The following XPO5 variants were observed in gnomAD, a reference collection of about 807,000 sequenced individuals.
XPO5 encodes the protein exportin 5, also known as exportin-5.
XPO5 carries 46 observed loss-of-function variants against 160.6 expected under a neutral mutation model. The observed-to-expected ratio is 0.29, with a 90% CI of 0.23 to 0.37. The LOEUF is 0.37. Among genes scored for constraint, XPO5 ranks in the 10% least tolerant of loss-of-function variants. The probability of loss-of-function intolerance (pLI) is 1.00; values close to 1 mark genes in which losing one functional copy is unlikely to be tolerated. For synonymous variants in XPO5, 537 were observed against 519.3 expected (o/e 1.03, Z -0.46); for missense variants, 1,090 against 1,463.9 (o/e 0.74, Z 4.17).
intron 15 of XPO5, among the ~76,000 whole-genome samples, chr6:43,550,470 C>T (rs1405377120): frequency 6.6e-6 from 1 of 152,110 alleles, no homozygotes; most frequent in Non-Finnish European, 1.5e-5. Flanking sequence ...GCTCTTTTTC[C>T]TTCTGTGGGG....
At chr6:43,529,194 G>A (rs1793787865) in intron 23 of XPO5, 2 of 1,448,212 alleles carry the variant, frequency 1.4e-6, no homozygotes, top group Admixed American at 3.7e-5. Flanking sequence ...AAAAAAATAG[G>A]AAGGAGGACA....
chr6:43,544,845 C>T (rs1225162592), intron 20 of XPO5, among the ~76,000 whole-genome samples: 2 of 152,040 alleles, frequency 1.3e-5, no homozygotes, highest in Non-Finnish European at 2.9e-5. Context: ...CTCTTTCCTC[C>T]TTTAGAAATC....
At chr6:43,570,451 A>G (rs1416898992) in intron 5 of XPO5, 51 bp downstream of exon 5, 2 of 1,539,890 alleles carry the variant, frequency 1.3e-6, no homozygotes, top group African/African-American at 2.8e-5. Flanking sequence ...AGATTAATCA[A>G]AAACACTCAT....
At chr6:43,528,468 T>TCC (rs568828536) in intron 24 of XPO5, among the ~76,000 whole-genome samples, 96 of 152,278 alleles carry the variant, frequency 6.3e-4, no homozygotes, top group African/African-American at 2.2e-3. Context: ...CCTGGGTCTC[T>TCC]AGACATACCT....
chr6:43,543,673 A>ATT (rs111929412), intron 20 of XPO5, among the ~76,000 whole-genome samples: 1 of 149,730 alleles, frequency 6.7e-6, no homozygotes, highest in African/African-American at 2.5e-5. Flanking sequence ...AATTTATTTA[A>ATT]TTTTTTTTTT....
At chr6:43,528,686 G>T in intron 24 of XPO5, 142 bp downstream of exon 24, 1 of 756,030 alleles carries the variant, frequency 1.3e-6, no homozygotes, top group Non-Finnish European at 2.2e-6. Context: ...AGCAAGGATA[G>T]TCAGCTGGGG....
In XPO5 at chr6:43,539,139, C is replaced by T. The variant is rs557510416; in HGVS notation, c.2343-5132G>A. On this transcript the variant is annotated intron_variant, in intron 20 of 31. Transcript: ENST00000265351. ...GGGATGAGGCGCACCAGCACAGAGCCACGGCGGCCTGTCACCTTGCAGGGG... is the reference window on the plus strand; with the variant it reads ...GGGATGAGGCGCACCAGCACAGAGCTACGGCGGCCTGTCACCTTGCAGGGG... The T allele has an allele frequency of 4.3e-6, 5 of 1,165,360 alleles. No individual in the cohort carries two copies. In the East Asian group the frequency reaches 7.5e-5, roughly 17 times the overall value. The allele number at this position is 1,165,360 out of a possible 1,614,324, so 72.2% of individuals were successfully genotyped here.
intron 20 of XPO5, among the ~76,000 whole-genome samples, chr6:43,545,014 A>G (rs1794895907): frequency 1.3e-5 from 2 of 152,226 alleles, no homozygotes; most frequent in African/African-American, 2.4e-5. Context: ...CTGGGATTAC[A>G]GGCATGTGCC....
chr6:43,547,757 A>G (rs781531782), intron 18 of XPO5, 50 bp from the exon 19 acceptor site: 1 of 1,551,384 alleles, frequency 6.4e-7, no homozygotes, highest in South Asian at 1.1e-5. Flanking sequence ...TTAAACAAGG[A>G]CAGTTTCTTC....
chr6:43,537,972 G>A (rs115037240), intron 20 of XPO5, among the ~76,000 whole-genome samples: 1,878 of 150,878 alleles, frequency 0.012, 41 homozygotes, highest in African/African-American at 0.044. Flanking sequence ...AGAGGCTGAG[G>A]CAGTCGAGAG....
chr6:43,553,532 C>T (rs770465031), intron 13 of XPO5, 29 bp from the exon 14 acceptor site: 24 of 1,509,778 alleles, frequency 1.6e-5, no homozygotes, highest in Non-Finnish European at 1.8e-5. Flanking sequence ...CACATACACA[C>T]ACACACACAC....
intron 27 of XPO5, chr6:43,526,240 G>T: frequency 2.4e-6 from 1 of 412,546 alleles, no homozygotes; most frequent in African/African-American, 2.0e-5. Flanking sequence ...AAAAGGTATA[G>T]GACAATAGGT....
chr6:43,530,623 C>G, intron 23 of XPO5, 65 bp downstream of exon 23: 2 of 1,562,470 alleles, frequency 1.3e-6, no homozygotes, highest in Non-Finnish European at 1.7e-6. Context: ...GTTGCTGTGA[C>G]CTGTTTTGTT....
intron 23 of XPO5, chr6:43,529,223 C>G: frequency 7.1e-7 from 1 of 1,404,650 alleles, no homozygotes; most frequent in South Asian, 1.1e-5. Context: ...ACAAACTCTC[C>G]TTCACCATTC....
At chr6:43,574,581 A>T (rs1274989375) in intron 1 of XPO5, among the ~76,000 whole-genome samples, 1 of 151,966 alleles carries the variant, frequency 6.6e-6, no homozygotes, top group African/African-American at 2.4e-5. Context: ...CAGTAGCCCT[A>T]CTAGTGTTGG....
chr6:43,535,233 C>G (rs903338282), intron 20 of XPO5, among the ~76,000 whole-genome samples: 5 of 151,598 alleles, frequency 3.3e-5, no homozygotes, highest in Non-Finnish European at 4.4e-5. Context: ...GCACTCCAGC[C>G]TGGGCAACAG....
intron 2 of XPO5, 172 bp downstream of exon 2, chr6:43,573,308 G>A: frequency 1.2e-6 from 1 of 836,798 alleles, no homozygotes; most frequent in Middle Eastern, 2.7e-4. Context: ...AGAAAAGAAA[G>A]GTTAAATCTT....
chr6:43,548,603 T>C (rs1172759184), intron 17 of XPO5, 143 bp from the exon 18 acceptor site: 6 of 685,826 alleles, frequency 8.7e-6, no homozygotes, highest in Non-Finnish European at 1.3e-5. Flanking sequence ...AATTCTGTTA[T>C]ATGTCTTTAT....
chr6:43,524,052 A>G, intron 31 of XPO5, 47 bp from the exon 32 acceptor site: 1 of 1,595,168 alleles, frequency 6.3e-7, no homozygotes. Flanking sequence ...CCTCAGTAGT[A>G]GTTAAAAGAT....
Sources: allele counts gnomAD v4.1 joint callset (sites outside exome capture counted in the v4.1 genomes callset), GRCh38; gene constraint gnomAD v4.1.1; transcripts MANE v1.5; gene names NCBI Gene and HGNC (gene_info 2026-07-23, HGNC 2026-07-21).